POU6F2: variants seen among roughly 807,000 people sequenced by gnomAD.
POU6F2 encodes the protein POU class 6 homeobox 2, also known as POU domain, class 6, transcription factor 2.
A neutral mutation model predicts 71.3 loss-of-function variants in POU6F2; 31 were observed. The observed-to-expected ratio is 0.43, with a 90% CI of 0.33 to 0.59. The LOEUF (loss-of-function observed/expected upper bound fraction) is 0.59, where lower values mean the gene tolerates loss of function less well. Ranked by LOEUF, POU6F2 falls within the 20% of genes least tolerant of loss-of-function variation. The probability of loss-of-function intolerance (pLI) is 0.04; values close to 1 mark genes in which losing one functional copy is unlikely to be tolerated. For synonymous variants in POU6F2, 347 were observed against 355.7 expected (o/e 0.98, Z 0.27); for missense variants, 783 against 856.8 (o/e 0.91, Z 1.07).
chr7:39,039,713 G>A (rs1024036293), intron 1 of POU6F2, among the ~76,000 whole-genome samples: 2 of 151,276 alleles, frequency 1.3e-5, no homozygotes, highest in East Asian at 2.0e-4. Flanking sequence ...CATAATATCC[G>A]GGACTCTGGT....
intron 2 of POU6F2, among the ~76,000 whole-genome samples, chr7:39,163,472 T>A (rs1793040302): frequency 6.6e-6 from 1 of 152,174 alleles, no homozygotes; most frequent in Non-Finnish European, 1.5e-5. Context: ...ACTTATGAGG[T>A]GATTTTGACC....
intron 1 of POU6F2, among the ~76,000 whole-genome samples, chr7:39,065,201 C>T (rs1321971941): frequency 6.6e-6 from 1 of 151,624 alleles, no homozygotes; most frequent in South Asian, 2.1e-4. Flanking sequence ...CAGTCTCTTC[C>T]ATAATCGGTT....
chr7:39,014,166 C>T (rs1789409828), intron 1 of POU6F2, among the ~76,000 whole-genome samples: 2 of 152,202 alleles, frequency 1.3e-5, no homozygotes, highest in Admixed American at 1.3e-4. Flanking sequence ...CTGTACATCT[C>T]TTGGGAGTGT....
intron 2 of POU6F2, among the ~76,000 whole-genome samples, chr7:39,141,982 G>C (rs1186092352): frequency 6.6e-6 from 1 of 152,118 alleles, no homozygotes; most frequent in Non-Finnish European, 1.5e-5. Context: ...ACCTACTCAG[G>C]AGGCTGAGGC....
rs147719376 is a variant in POU6F2, at chr7:39,317,732, T to A, written c.599-21910T>A. ...CACCTTGGCATAAGTGATTATTGGT[T>A]CAACATATATTCAAAATGTATCAGA... On this transcript the variant is annotated intron_variant, in intron 4 of 9. Coordinates refer to ENST00000518318, the MANE Select transcript of POU6F2 (RefSeq NM_001370959.1). Among the ~76,000 whole-genome samples, 894 of 152,326 alleles carry A rather than the reference T, an allele frequency of 5.9e-3. 4 individuals are homozygous for A. The highest frequency in any genetic ancestry group is 0.021 in the African/African-American group (862 of 41,566).
intron 2 of POU6F2, among the ~76,000 whole-genome samples, chr7:39,117,683 C>A (rs1421228120): frequency 6.6e-6 from 1 of 152,160 alleles, no homozygotes; most frequent in Non-Finnish European, 1.5e-5. Context: ...CCCTCAGGAA[C>A]TGAGGCACCT....
At chr7:39,055,277 T>C (rs1023796576) in intron 1 of POU6F2, among the ~76,000 whole-genome samples, 1 of 152,198 alleles carries the variant, frequency 6.6e-6, no homozygotes, top group Non-Finnish European at 1.5e-5. Context: ...TTGTATGTCA[T>C]CTTTTACAAC....
chr7:39,268,001 C>T (rs927963836), intron 4 of POU6F2, among the ~76,000 whole-genome samples: 3 of 152,160 alleles, frequency 2.0e-5, no homozygotes, highest in Admixed American at 2.0e-4. Context: ...CAGATTGATC[C>T]TGAAGGTGCA....
intron 2 of POU6F2, among the ~76,000 whole-genome samples, chr7:39,147,797 A>G (rs1792653291): frequency 6.6e-6 from 1 of 152,086 alleles, no homozygotes. Context: ...CTTGTCTTAG[A>G]TTGCCTGATT....
intron 7 of POU6F2, among the ~76,000 whole-genome samples, chr7:39,444,962 C>G (rs1788488661): frequency 6.6e-6 from 1 of 152,112 alleles, no homozygotes; most frequent in South Asian, 2.1e-4. Context: ...AAAATCAAAG[C>G]ATTAAGATTT....
chr7:39,295,480 A>G (rs765712741), intron 4 of POU6F2, among the ~76,000 whole-genome samples: 19 of 152,152 alleles, frequency 1.2e-4, no homozygotes, highest in Non-Finnish European at 2.5e-4. Flanking sequence ...GCCTGGCGTG[A>G]TGGCACATGC....
intron 5 of POU6F2, among the ~76,000 whole-genome samples, chr7:39,342,844 A>G (rs1057339207): frequency 9.2e-5 from 14 of 152,208 alleles, no homozygotes; most frequent in African/African-American, 3.4e-4. Flanking sequence ...CTTTTACTGA[A>G]TTCTGTGAAA....
chr7:39,232,785 G>A (rs1016562387), intron 4 of POU6F2, among the ~76,000 whole-genome samples: 3 of 152,148 alleles, frequency 2.0e-5, no homozygotes, highest in African/African-American at 4.8e-5. Flanking sequence ...GGCCCATGTC[G>A]TTTGCCTGAA....
chr7:39,236,900 A>G (rs1794685538), intron 4 of POU6F2, among the ~76,000 whole-genome samples: 1 of 152,230 alleles, frequency 6.6e-6, no homozygotes, highest in Non-Finnish European at 1.5e-5. Flanking sequence ...TGCTAACCAC[A>G]TGCTATCAAA....
At chr7:39,170,246 TCTTAA>T (rs1339358474) in intron 2 of POU6F2, among the ~76,000 whole-genome samples, 3 of 152,242 alleles carry the variant, frequency 2.0e-5, no homozygotes, top group Non-Finnish European at 2.9e-5. Flanking sequence ...TACTATACTT[TCTTAA>T]CTTTGCAGAT....
chr7:38,982,081 A>G (rs927748028), intron 1 of POU6F2, among the ~76,000 whole-genome samples: 2 of 152,202 alleles, frequency 1.3e-5, no homozygotes, highest in Non-Finnish European at 2.9e-5. Context: ...ACTGGCTCTC[A>G]TAACACATTT....
intron 2 of POU6F2, among the ~76,000 whole-genome samples, chr7:39,129,625 A>ATAGT (rs1284009648): frequency 7.2e-5 from 2 of 27,832 alleles, no homozygotes; most frequent in African/African-American, 1.9e-4. Flanking sequence ...CAATAGATAT[A>ATAGT]TAGATAGATA....
intron 2 of POU6F2, among the ~76,000 whole-genome samples, chr7:39,173,573 T>C (rs1793268908): frequency 6.6e-6 from 1 of 152,234 alleles, no homozygotes; most frequent in Admixed American, 6.5e-5. Flanking sequence ...CCCTTTCATC[T>C]TGTCACTGTT....
chr7:39,194,737 C>T (rs1213874055), intron 2 of POU6F2, among the ~76,000 whole-genome samples: 1 of 152,220 alleles, frequency 6.6e-6, no homozygotes, highest in African/African-American at 2.4e-5. Context: ...TTTGCTGGTG[C>T]TCCCTCTTTG....
Sources: allele counts gnomAD v4.1 joint callset (sites outside exome capture counted in the v4.1 genomes callset), GRCh38; gene constraint gnomAD v4.1.1; transcripts MANE v1.5; gene names NCBI Gene and HGNC (gene_info 2026-07-23, HGNC 2026-07-21).